The following IQCM variants were observed in gnomAD, a reference collection of about 807,000 sequenced individuals.
IQCM encodes IQ motif containing M, also known as IQ domain-containing protein M.
IQCM carries 45 observed loss-of-function variants against 57.6 expected under a neutral mutation model. The observed-to-expected ratio is 0.78, with a 90% CI of 0.62 to 1.00. The LOEUF is 1.00. IQCM is among the 50% of genes least tolerant of loss of function. The pLI is 0.00. For missense variants in IQCM, 468 were observed against 511.6 expected (o/e 0.91, Z 0.82); for synonymous variants, 148 against 158.9 (o/e 0.93, Z 0.51).
chr4:149,619,395 G>A (rs1289148877), intron 8 of IQCM, among the ~76,000 whole-genome samples: 1 of 151,874 alleles, frequency 6.6e-6, no homozygotes, highest in African/African-American at 2.4e-5. Flanking sequence ...TTATTCAGGT[G>A]GCAGCTACAC....
intron 13 of IQCM, among the ~76,000 whole-genome samples, chr4:149,372,696 AT>A (rs927093455): frequency 7.9e-5 from 12 of 151,302 alleles, no homozygotes; most frequent in East Asian, 1.9e-4. Flanking sequence ...TTATGGCTTT[AT>A]TTTTTTTTCT....
chr4:149,549,519 A>G (rs536492536), intron 11 of IQCM, among the ~76,000 whole-genome samples: 1 of 152,226 alleles, frequency 6.6e-6, no homozygotes, highest in East Asian at 1.9e-4. Flanking sequence ...CTCCGTCTCA[A>G]AAAAAAAGAA....
chr4:149,597,894 A>G (rs952284115), intron 8 of IQCM, among the ~76,000 whole-genome samples: 10 of 152,190 alleles, frequency 6.6e-5, no homozygotes, highest in Admixed American at 6.6e-4. Flanking sequence ...TAACAACAAA[A>G]TAAACTACAC....
chr4:149,407,757 T>TG (rs766883536), intron 13 of IQCM, among the ~76,000 whole-genome samples: 3 of 152,164 alleles, frequency 2.0e-5, no homozygotes, highest in Non-Finnish European at 4.4e-5. Flanking sequence ...TTTGGAACAG[T>TG]TGATGGACAC....
chr4:149,590,931 C>A (rs940285383), intron 8 of IQCM, among the ~76,000 whole-genome samples: 3 of 151,948 alleles, frequency 2.0e-5, no homozygotes, highest in African/African-American at 7.2e-5. Flanking sequence ...TGTGTCTTTA[C>A]AGTAGAATGA....
chr4:149,418,036 A>G (rs1023290241), intron 13 of IQCM, among the ~76,000 whole-genome samples: 1 of 151,792 alleles, frequency 6.6e-6, no homozygotes, highest in Non-Finnish European at 1.5e-5. Context: ...TTGACACCCT[A>G]ACATCACAAC....
chr4:149,811,850 C>T (rs987905511), intron 2 of IQCM, among the ~76,000 whole-genome samples: 1 of 152,204 alleles, frequency 6.6e-6, no homozygotes, highest in African/African-American at 2.4e-5. Context: ...ACTTAACCCT[C>T]CCTGGGATAT....
intron 8 of IQCM, among the ~76,000 whole-genome samples, chr4:149,620,132 G>A (rs1321376337): frequency 1.3e-5 from 2 of 151,826 alleles, no homozygotes; most frequent in Non-Finnish European, 2.9e-5. Context: ...ACTCTAGCCT[G>A]AGCAACAGAG....
chr4:149,664,926 A>G (rs1760572335), intron 7 of IQCM, among the ~76,000 whole-genome samples: 1 of 152,166 alleles, frequency 6.6e-6, no homozygotes, highest in East Asian at 1.9e-4. Flanking sequence ...CAGGTCAGCT[A>G]GCTATTAGGC....
intron 5 of IQCM, among the ~76,000 whole-genome samples, chr4:149,719,466 T>C (rs1035649229): frequency 6.6e-6 from 1 of 152,210 alleles, no homozygotes; most frequent in Non-Finnish European, 1.5e-5. Flanking sequence ...AAAGCTGGGA[T>C]TTGAGCCTGG....
At chr4:149,645,770 A>G (rs897710189) in intron 7 of IQCM, among the ~76,000 whole-genome samples, 1 of 151,990 alleles carries the variant, frequency 6.6e-6, no homozygotes, top group Non-Finnish European at 1.5e-5. Context: ...CCCTTGCAGT[A>G]AAGACATCAC....
chr4:149,720,148 G>A (rs903803393), intron 5 of IQCM, among the ~76,000 whole-genome samples: 1 of 152,130 alleles, frequency 6.6e-6, no homozygotes, highest in Non-Finnish European at 1.5e-5. Flanking sequence ...ATGTTCTAAT[G>A]TTCCAAAACA....
intron 12 of IQCM, among the ~76,000 whole-genome samples, chr4:149,540,087 A>G (rs946252862): frequency 4.6e-5 from 7 of 151,876 alleles, no homozygotes; most frequent in Non-Finnish European, 1.0e-4. Flanking sequence ...GTAGGGCCCT[A>G]CTTCAACACG....
intron 12 of IQCM, among the ~76,000 whole-genome samples, chr4:149,452,755 A>G (rs1737261109): frequency 6.6e-6 from 1 of 151,650 alleles, no homozygotes; most frequent in Non-Finnish European, 1.5e-5. Flanking sequence ...GTTTGTTTCA[A>G]ATTGAAAACT....
chr4:149,452,329 A>C (rs1737207217), intron 12 of IQCM, among the ~76,000 whole-genome samples: 1 of 151,526 alleles, frequency 6.6e-6, no homozygotes, highest in African/African-American at 2.4e-5. Flanking sequence ...TATTTGTAGA[A>C]ATTGACAAGA....
At chr4:149,474,631 C>A (rs192810742) in intron 12 of IQCM, among the ~76,000 whole-genome samples, 1 of 151,116 alleles carries the variant, frequency 6.6e-6, no homozygotes, top group South Asian at 2.1e-4. Flanking sequence ...GCAGGAGAAT[C>A]GCTTGAACTC....
chr4:149,439,826 T>A (rs942636067), intron 12 of IQCM, among the ~76,000 whole-genome samples: 3 of 152,066 alleles, frequency 2.0e-5, no homozygotes, highest in Non-Finnish European at 4.4e-5. Flanking sequence ...TTTAAGAGCA[T>A]AGTGACAGTT....
intron 12 of IQCM, among the ~76,000 whole-genome samples, chr4:149,485,376 C>T (rs1269761934): frequency 3.3e-5 from 5 of 151,756 alleles, no homozygotes; most frequent in African/African-American, 4.8e-5. Context: ...TTCTACATCT[C>T]GTAGGTATGC....
chr4:149,460,650 GA>G (rs1020324786), intron 12 of IQCM, among the ~76,000 whole-genome samples: 1 of 151,660 alleles, frequency 6.6e-6, no homozygotes, highest in African/African-American at 2.4e-5. Context: ...GAAAGAAAGG[GA>G]AAAAATAAAG....
Sources: gnomAD v4.1 joint callset for allele counts (sites outside exome capture counted in the v4.1 genomes callset) on GRCh38, gnomAD v4.1.1 for gene constraint, MANE v1.5 for transcripts, NCBI Gene and HGNC (gene_info 2026-07-23, HGNC 2026-07-21) for gene names.